Variants in PANX1 observed in about 807,000 individuals in gnomAD.
PANX1 encodes the protein pannexin 1, also known as pannexin-1.
Under a neutral mutation model 38.7 loss-of-function variants are expected in PANX1, and 30 were observed. That is an observed-to-expected ratio of 0.78 (90% CI 0.58 to 1.05). The LOEUF is 1.05. Among genes scored for constraint, PANX1 ranks in the 50% least tolerant of loss-of-function variants. The pLI is 0.00. For missense variants in PANX1, 551 were observed against 517.2 expected (o/e 1.07, Z -0.63); for synonymous variants, 230 against 212.2 (o/e 1.08, Z -0.73).
chr11:94,169,816 A>G (rs781691106), intron 2 of PANX1, among the ~76,000 whole-genome samples: 30 of 151,290 alleles, frequency 2.0e-4, no homozygotes, highest in Non-Finnish European at 4.0e-4. Context: ...TTGATTTTGA[A>G]CTCCTCACCT....
At chr11:94,139,978 A>G (rs968142536) in intron 1 of PANX1, among the ~76,000 whole-genome samples, 6 of 152,246 alleles carry the variant, frequency 3.9e-5, no homozygotes, top group African/African-American at 1.4e-4. Context: ...GGAATCCTCA[A>G]TTTATAGCTG....
chr11:94,160,224 C>T (rs1947008427), intron 2 of PANX1, among the ~76,000 whole-genome samples: 1 of 152,168 alleles, frequency 6.6e-6, no homozygotes, highest in South Asian at 2.1e-4. Context: ...GTGGACAGTT[C>T]TGTAGATGTC....
rs1391652931 is a variant in PANX1, at chr11:94,181,254, T to C, written c.*385T>C. The C allele has an allele frequency of 5.6e-6, 1 of 178,830 alleles. No homozygotes were observed. The highest frequency in any genetic ancestry group is 1.2e-5 in the Non-Finnish European group (1 of 84,314). 11.1% of individuals were successfully genotyped at this position (178,830 alleles called of 1,614,324 possible). On this transcript the variant is annotated 3_prime_UTR_variant, in exon 5 of 5. Transcript: ENST00000227638. Reference sequence around the variant, plus strand: ...GAAAACAAGCACTTTGGAAGATTTGTTTTGTTTTCATGGAATAATAATATG... The same window carrying C: ...GAAAACAAGCACTTTGGAAGATTTGCTTTGTTTTCATGGAATAATAATATG...
rs1446867166 is a variant in PANX1 at position 94,162,158 on chromosome 11, C to G, written c.321+8528C>G. 2.0e-5 allele frequency among the ~76,000 whole-genome samples: 3 copies of G among 152,178 alleles called. No homozygotes were observed. In the South Asian group the frequency reaches 6.2e-4, roughly 32 times the overall value. On this transcript the variant is annotated intron_variant, in intron 2 of 4. Coordinates refer to ENST00000227638, the MANE Select transcript of PANX1 (RefSeq NM_015368.4). ...GGGGGTGCCTCCCAGTTAGGCTGCT[C>G]GGGGGTCAGGGACCCACTTGAGGAG...
chr11:94,137,012 G>C (rs954655798), intron 1 of PANX1, among the ~76,000 whole-genome samples: 2 of 151,736 alleles, frequency 1.3e-5, no homozygotes, highest in Non-Finnish European at 2.9e-5. Context: ...AGAGAGAATG[G>C]GGGGAGGTGC....
At chr11:94,151,277 G>A (rs554430141) in intron 1 of PANX1, among the ~76,000 whole-genome samples, 47 of 152,210 alleles carry the variant, frequency 3.1e-4, no homozygotes, top group African/African-American at 9.4e-4. Flanking sequence ...AGTATAAAAA[G>A]TGTAGTTATT....
intron 1 of PANX1, among the ~76,000 whole-genome samples, chr11:94,146,846 G>A (rs1940694988): frequency 6.6e-6 from 1 of 152,180 alleles, no homozygotes; most frequent in Admixed American, 6.5e-5. Context: ...TTGCTATAAA[G>A]GCTCGTTTGG....
intron 1 of PANX1, among the ~76,000 whole-genome samples, chr11:94,137,308 A>G (rs1021374821): frequency 1.3e-5 from 2 of 152,078 alleles, no homozygotes; most frequent in Admixed American, 6.5e-5. Flanking sequence ...TTCTCAAAAT[A>G]TATAGACAGA....
intron 1 of PANX1, 76 bp downstream of exon 1, chr11:94,129,569 C>T: frequency 7.4e-7 from 1 of 1,343,780 alleles, no homozygotes; most frequent in Non-Finnish European, 1.0e-6. Context: ...GGCTCACAGG[C>T]CCGAGTCTGG....
chr11:94,153,516 A>G lies in PANX1; in HGVS notation c.207A>G (p.Pro69=), dbSNP rs1020984986. The change falls in exon 2 of 5, where the codon CCA becomes CCG. Residue 69 remains proline (P), a synonymous_variant. Coordinates refer to ENST00000227638, the MANE Select transcript of PANX1 (RefSeq NM_015368.4). ...SIGTQISCFS[P]SSFSWRQAAF... Reference sequence around the variant, plus strand: ...GTACACAGATAAGCTGTTTCTCTCCAAGTTCTTTCTCCTGGCGTCAGGCTG... The same window carrying G: ...GTACACAGATAAGCTGTTTCTCTCCGAGTTCTTTCTCCTGGCGTCAGGCTG... 6.2e-7 allele frequency: 1 copy of G among 1,614,000 alleles called. No homozygotes were observed. The highest frequency in any genetic ancestry group is 1.3e-5 in the African/African-American group (1 of 74,892).
intron 1 of PANX1, among the ~76,000 whole-genome samples, chr11:94,147,853 A>G (rs1186295916): frequency 6.6e-6 from 1 of 152,138 alleles, no homozygotes; most frequent in Non-Finnish European, 1.5e-5. Flanking sequence ...CAAACCATTC[A>G]TTCTAAAATG....
chr11:94,153,300 G>A (rs1231967024), intron 1 of PANX1, among the ~76,000 whole-genome samples, 191 bp from the exon 2 acceptor site: 1 of 152,166 alleles, frequency 6.6e-6, no homozygotes, highest in Non-Finnish European at 1.5e-5. Flanking sequence ...ATCATGACCA[G>A]TGTTGGCCAA....
chr11:94,167,949 C>G (rs1444211634), intron 2 of PANX1, among the ~76,000 whole-genome samples: 1 of 152,220 alleles, frequency 6.6e-6, no homozygotes, highest in South Asian at 2.1e-4. Context: ...TGCAGAGAAG[C>G]CAGTGCAGTC....
chr11:94,156,654 T>G (rs1327389518), intron 2 of PANX1, among the ~76,000 whole-genome samples: 1 of 152,154 alleles, frequency 6.6e-6, no homozygotes, highest in African/African-American at 2.4e-5. Context: ...AATAAATCCT[T>G]TCTGGAGGAT....
intron 2 of PANX1, among the ~76,000 whole-genome samples, chr11:94,171,159 C>G (rs1181885844): frequency 6.6e-6 from 1 of 151,542 alleles, no homozygotes; most frequent in Non-Finnish European, 1.5e-5. Context: ...GATGGCACAT[C>G]TAGCCTCAGT....
At chr11:94,172,622 G>C (rs1947181391) in intron 2 of PANX1, among the ~76,000 whole-genome samples, 1 of 151,766 alleles carries the variant, frequency 6.6e-6, no homozygotes, top group South Asian at 2.1e-4. Flanking sequence ...TAATGGCAGA[G>C]TTGAGCAGCT....
chr11:94,160,681 T>C (rs1947016766), intron 2 of PANX1, among the ~76,000 whole-genome samples: 1 of 152,232 alleles, frequency 6.6e-6, no homozygotes, highest in African/African-American at 2.4e-5. Context: ...CTTTATCCAA[T>C]TTGCCAGTCT....
At position 94,129,166 on chromosome 11, in the gene PANX1, C is replaced by G. The variant is rs1317977603; in HGVS notation, c.-147C>G. The stretch of plus-strand genomic sequence containing the variant: ...CGGAGTCGCTGGGAGCCTGAGGCAC[C>G]GAGACACAAAGGCAGGCGGGATGCG... On this transcript the variant is annotated 5_prime_UTR_variant, in exon 1 of 5. Transcript: ENST00000227638. 8 of 599,510 alleles carry G rather than the reference C, an allele frequency of 1.3e-5. No individual in the cohort carries two copies. The highest frequency in any genetic ancestry group is 7.2e-5 in the South Asian group (3 of 41,892). 37.1% of individuals were successfully genotyped at this position (599,510 alleles called of 1,614,324 possible).
rs1947302246 is a variant in PANX1, at chr11:94,181,105, T to C, written c.*236T>C. 1 of 514,854 alleles carries C rather than the reference T, an allele frequency of 1.9e-6. No homozygotes were observed. Among genetic ancestry groups the C allele is most frequent in the Non-Finnish European group, 3.5e-6 (1 of 285,534 alleles). 31.9% of individuals were successfully genotyped at this position (514,854 alleles called of 1,614,324 possible). On this transcript the variant is annotated 3_prime_UTR_variant, in exon 5 of 5. Coordinates refer to ENST00000227638, the MANE Select transcript of PANX1 (RefSeq NM_015368.4). Reference sequence around the variant, plus strand: ...GATAGTAAACTGCAGCAAGTAACTATGTGTAAGTCCTCATCAAATGAAAAG... The same window carrying C: ...GATAGTAAACTGCAGCAAGTAACTACGTGTAAGTCCTCATCAAATGAAAAG...
Sources: allele counts gnomAD v4.1 joint callset (sites outside exome capture counted in the v4.1 genomes callset), GRCh38; gene constraint gnomAD v4.1.1; transcripts MANE v1.5; gene names NCBI Gene and HGNC (gene_info 2026-07-23, HGNC 2026-07-21).